SEC14L2: variants seen among roughly 807,000 people sequenced by gnomAD.
SEC14L2 encodes SEC14-like protein 2.
SEC14L2 carries 50 observed loss-of-function variants against 56.9 expected under a neutral mutation model. That is an observed-to-expected ratio of 0.88 (90% confidence interval 0.70 to 1.11). The LOEUF is 1.11. SEC14L2 is among the 50% of genes most tolerant of loss of function. The pLI, the probability that SEC14L2 is intolerant of heterozygous loss-of-function variation, is 0.00. For missense variants in SEC14L2, 414 were observed against 500.7 expected (o/e 0.83, Z 1.65); for synonymous variants, 179 against 188.5 (o/e 0.95, Z 0.41).
intron 2 of SEC14L2, among the ~76,000 whole-genome samples, chr22:30,405,893 C>T (rs1934079542): frequency 6.6e-6 from 1 of 152,008 alleles, no homozygotes. Flanking sequence ...GACGAGGTCT[C>T]ACTGTATTGC....
chr22:30,399,825 C>A, intron 2 of SEC14L2, 107 bp downstream of exon 2: 1 of 879,828 alleles, frequency 1.1e-6, no homozygotes, highest in Non-Finnish European at 1.7e-6. Context: ...CTAGAGTGTC[C>A]AACCTTTAGC....
chr22:30,416,600 AG>A, intron 11 of SEC14L2, 197 bp downstream of exon 11: 2 of 1,470,722 alleles, frequency 1.4e-6, no homozygotes, highest in South Asian at 2.8e-5. Context: ...GGTTAACAGC[AG>A]GGTGGGACTT....
chr22:30,416,495 G>A (rs772276286), intron 11 of SEC14L2, 92 bp downstream of exon 11: 4 of 1,602,820 alleles, frequency 2.5e-6, no homozygotes, highest in African/African-American at 2.7e-5. Context: ...TTGGCTCTGA[G>A]TGTTAGAACT....
At chr22:30,406,204 C>A in intron 2 of SEC14L2, 138 bp from the exon 3 acceptor site, 1 of 735,462 alleles carries the variant, frequency 1.4e-6, no homozygotes, top group Non-Finnish European at 2.3e-6. Context: ...TTAGCTTCTG[C>A]TTGTAGGATG....
chr22:30,411,511 C>T (rs1045521775), intron 8 of SEC14L2, among the ~76,000 whole-genome samples: 2 of 151,864 alleles, frequency 1.3e-5, no homozygotes, highest in African/African-American at 4.8e-5. Flanking sequence ...TTTGGGAGGC[C>T]GAGGTAGGCG....
Position 30,424,450 on chromosome 22 carries a change from G to A in SEC14L2, c.*2043G>A. On this transcript the variant is annotated 3_prime_UTR_variant, in exon 12 of 12. Coordinates refer to ENST00000615189, the MANE Select transcript of SEC14L2 (RefSeq NM_012429.5). ...GGCTGAAAGCGGGGGCCTCCGTAGG[G>A]AGCCAGCGGGGGCCTCAATAGTTAC... 2.9e-6 allele frequency: 1 copy of A among 342,634 alleles called. No homozygotes were observed. The highest frequency in any genetic ancestry group is 5.7e-6 in the Non-Finnish European group (1 of 175,068). 21.2% of individuals were successfully genotyped at this position (342,634 alleles called of 1,614,324 possible).
chr22:30,407,285 G>T, intron 4 of SEC14L2, 130 bp from the exon 5 acceptor site: 1 of 1,426,802 alleles, frequency 7.0e-7, no homozygotes. Flanking sequence ...ATGGTCTCCA[G>T]AATGGGCATC....
At chr22:30,410,815 G>C in intron 8 of SEC14L2, 136 bp downstream of exon 8, 3 of 747,178 alleles carry the variant, frequency 4.0e-6, no homozygotes, top group Non-Finnish European at 4.6e-6. Context: ...CCAGGAGCAA[G>C]CTGGGGTGGA....
Position 30,422,391 on chromosome 22 carries a change from C to G in SEC14L2, c.1196C>G (p.Ala399Gly). The change falls in exon 12 of 12, where the codon GCA becomes GGA. Residue 399 changes from alanine (A) to glycine (G), a missense_variant. Physicochemically the swap from Ala to Gly is moderately conservative, Grantham distance 60. Transcript: ENST00000615189. ...ASEEKMKQLG[A>G]GTPK ...GAAGAGAAGATGAAACAGCTGGGGG[C>G]AGGCACCCCGAAATAACACCTTCTC... 6.2e-7 allele frequency: 1 copy of G among 1,614,206 alleles called. No individual in the cohort carries two copies.
chr22:30,401,809 C>T (rs1377699148), intron 2 of SEC14L2, among the ~76,000 whole-genome samples: 1 of 151,968 alleles, frequency 6.6e-6, no homozygotes, highest in Non-Finnish European at 1.5e-5. Flanking sequence ...TCTTGCTGGC[C>T]TCAAACTCCT....
chr22:30,421,340 A>T (rs777590904), intron 11 of SEC14L2: 2 of 152,244 alleles, frequency 1.3e-5, no homozygotes, highest in Non-Finnish European at 2.9e-5. Flanking sequence ...GCAGACAAAG[A>T]AGTAAAGCCA....
In SEC14L2 at chr22:30,416,218, G is replaced by A. The variant is rs1474183554; in HGVS notation, c.912-16G>A. ...CACAGACAGAATTATGTCTCAATTG[G>A]TGATATCCCCTGCAGGTGGCAGTTT... is the stretch of plus-strand genomic sequence containing the variant. On this transcript the variant is annotated splice_polypyrimidine_tract_variant and intron_variant, in intron 10 of 11. Coordinates refer to ENST00000615189, the MANE Select transcript of SEC14L2 (RefSeq NM_012429.5). 6.2e-7 allele frequency: 1 copy of A among 1,613,184 alleles called. No homozygotes were observed. The highest frequency in any genetic ancestry group is 2.2e-5 in the East Asian group (1 of 44,872).
At chr22:30,397,854 C>T (rs777147916) in intron 1 of SEC14L2, 1 of 471,028 alleles carries the variant, frequency 2.1e-6, no homozygotes, top group Non-Finnish European at 4.4e-6. Context: ...GGTTTATGCT[C>T]CTCAGAAGGC....
chr22:30,410,599 C>A lies in SEC14L2; in HGVS notation c.584C>A (p.Pro195His). 1 of 1,614,108 alleles carries A rather than the reference C, an allele frequency of 6.2e-7. No homozygotes were observed. Among genetic ancestry groups the A allele is most frequent in the South Asian group, 1.1e-5 (1 of 91,086 alleles). ...CATTATCTGGTCTCTGTTCCAGCCC[C>A]CAAACTGTTTCCTGTGGCCTATAAC... ...TLKRLFVVKA[P>H]KLFPVAYNLI... The change falls in exon 8 of 12, where the codon CCC (proline) becomes CAC (histidine). Residue 195 changes from proline to histidine, a missense_variant. Transcript: ENST00000615189.
intron 2 of SEC14L2, among the ~76,000 whole-genome samples, chr22:30,402,854 G>A (rs1933978158): frequency 6.6e-6 from 1 of 151,430 alleles, no homozygotes; most frequent in South Asian, 2.1e-4. Flanking sequence ...CAAGGTGGGA[G>A]GATCACCTAA....
intron 11 of SEC14L2, chr22:30,416,769 G>A (rs763127179): frequency 1.6e-4 from 204 of 1,256,772 alleles, no homozygotes; most frequent in Non-Finnish European, 1.8e-4. Context: ...AACTGGCTGG[G>A]TGGGCATGGG....
chr22:30,407,437 G>A lies in SEC14L2; in HGVS notation c.257G>A (p.Gly86Glu). 6.2e-7 allele frequency: 1 copy of A among 1,614,106 alleles called. No homozygotes were observed. The highest frequency in any genetic ancestry group is 8.5e-7 in the Non-Finnish European group (1 of 1,179,990). The part of the protein sequence containing the change: ...PPEVIQQYLS[G>E]GMCGYDLDGC... ...CAGGTGATCCAACAGTATCTGTCAG[G>A]GGGTATGTGTGGCTATGACCTGGAT... Residue 86 changes from glycine to glutamate, a missense_variant, in exon 5 of 12, where the codon GGG (glycine) becomes GAG (glutamate). Transcript: ENST00000615189.
At chr22:30,409,635 C>G (rs576589015) in intron 7 of SEC14L2, 149 bp downstream of exon 7, 1 of 785,426 alleles carries the variant, frequency 1.3e-6, no homozygotes, top group African/African-American at 1.7e-5. Context: ...TGCTGGCTCA[C>G]GCCTGTAACC....
At chr22:30,414,246 G>A (rs1324889177) in intron 8 of SEC14L2, among the ~76,000 whole-genome samples, 1 of 152,202 alleles carries the variant, frequency 6.6e-6, no homozygotes, top group African/African-American at 2.4e-5. Flanking sequence ...CTGAGCAAGA[G>A]GTTTTTATGA....
Sources: gnomAD v4.1 joint callset for allele counts (sites outside exome capture counted in the v4.1 genomes callset) on GRCh38, gnomAD v4.1.1 for gene constraint, MANE v1.5 for transcripts, NCBI Gene and HGNC (gene_info 2026-07-23, HGNC 2026-07-21) for gene names.